Variants in PPP5C observed in about 807,000 individuals in gnomAD.
PPP5C encodes serine/threonine-protein phosphatase 5.
PPP5C carries 21 observed loss-of-function variants against 66.7 expected under a neutral mutation model. The ratio of observed to expected loss-of-function variants is 0.31; its 90% CI spans 0.22 to 0.45. PPP5C has a LOEUF of 0.45. Ranked by LOEUF, PPP5C falls within the 20% of genes least tolerant of loss-of-function variation. The probability of loss-of-function intolerance (pLI) is 1.00; values close to 1 mark genes in which losing one functional copy is unlikely to be tolerated. For missense variants in PPP5C, 464 were observed against 675.9 expected (o/e 0.69, Z 3.48); for synonymous variants, 246 against 257.4 (o/e 0.96, Z 0.43).
chr19:46,387,658 G>A (rs1438274355), intron 9 of PPP5C: 6 of 1,502,024 alleles, frequency 4.0e-6, no homozygotes, highest in Middle Eastern at 1.7e-4. Flanking sequence ...TGACCATGGT[G>A]CGGGGTGAAG....
At position 46,390,602 on chromosome 19, in the gene PPP5C, G is replaced by C; in HGVS notation, c.*256G>C. The stretch of plus-strand genomic sequence containing the variant: ...TGGGGGCACAGCCTGGGCATTCTGT[G>C]GGGAGGCCGTCCTCGGGGTGGGGTG... On this transcript the variant is annotated 3_prime_UTR_variant, in exon 13 of 13. Coordinates refer to ENST00000012443, the MANE Select transcript of PPP5C (RefSeq NM_006247.4). 1.5e-6 allele frequency: 2 copies of C among 1,373,042 alleles called. No individual in the cohort carries two copies. Among genetic ancestry groups the C allele is most frequent in the Non-Finnish European group, 1.9e-6 (2 of 1,059,340 alleles). 85.1% of individuals were successfully genotyped at this position (1,373,042 alleles called of 1,614,324 possible). A position where few individuals can be genotyped will look rare whatever the true frequency, so the allele number is the denominator to read the frequency against.
intron 2 of PPP5C, among the ~76,000 whole-genome samples, chr19:46,373,458 C>T (rs1972630929): frequency 6.6e-6 from 1 of 152,228 alleles, no homozygotes; most frequent in Non-Finnish European, 1.5e-5. Context: ...ATATTAGGCA[C>T]ATAGTAAGTG....
At chr19:46,358,212 C>T (rs998991548) in intron 2 of PPP5C, among the ~76,000 whole-genome samples, 32 of 152,188 alleles carry the variant, frequency 2.1e-4, no homozygotes, top group African/African-American at 7.2e-4. Flanking sequence ...ACACAGTTCC[C>T]TCATATCCAA....
At position 46,383,244 on chromosome 19, in the gene PPP5C, G is replaced by A. The variant is rs567467499; in HGVS notation, c.634-167G>A. The A allele has an allele frequency of 6.4e-5, 98 of 1,541,614 alleles. 1 individual carries two copies. The highest frequency in any genetic ancestry group is 1.4e-4 in the Admixed American group (7 of 50,940). On this transcript the variant is annotated intron_variant, in intron 4 of 12. Transcript: ENST00000012443. The surrounding 1 kb of genome is among the most constrained non-coding windows in gnomAD (Gnocchi z 5.0). ...GCCACAGAAGCCTGCGGCTGCCTCC[G>A]GCCCCGCCTGCTCCCGCTCCCCCAG... is the stretch of plus-strand genomic sequence containing the variant.
Position 46,347,181 on chromosome 19 carries a change from G to C in PPP5C, c.85G>C (p.Glu29Gln). ...PPADGALKRA[E>Q]ELKTQANDYF... ...GGCTGATGGAGCTCTGAAGCGGGCA[G>C]AGGAGCTCAAGACTCAGGCCAATGA... is the stretch of plus-strand genomic sequence containing the variant. The change falls in exon 1 of 13, where the codon GAG (glutamate) becomes CAG (glutamine). Residue 29 changes from glutamate (E) to glutamine (Q), a missense_variant. Coordinates refer to ENST00000012443, the MANE Select transcript of PPP5C (RefSeq NM_006247.4). 1.9e-6 allele frequency: 3 copies of C among 1,606,694 alleles called. No individual in the cohort carries two copies. Among genetic ancestry groups the C allele is most frequent in the Middle Eastern group, 3.3e-4 (2 of 6,048 alleles).
Position 46,387,162 on chromosome 19 carries a change from C to T in PPP5C, c.974C>T (p.Ala325Val), listed in dbSNP as rs190295738. 6.2e-6 allele frequency: 10 copies of T among 1,614,244 alleles called. No homozygotes were observed. The East Asian group carries it at 8.9e-5, about 14-fold the overall frequency. ...FEGEVKAKYT[A>V]QMYELFSEVF... ...GGTGAGGTGAAGGCCAAGTACACAG[C>T]CCAGATGTACGAGCTCTTTAGCGAG... The change falls in exon 8 of 13, where the codon GCC (alanine) becomes GTC (valine). Residue 325 changes from alanine (A) to valine (V), a missense_variant. Ala to Val is a moderately conservative substitution (Grantham distance 64, BLOSUM62 0). Transcript: ENST00000012443.
chr19:46,349,284 T>C (rs1411272951), intron 1 of PPP5C, among the ~76,000 whole-genome samples: 1 of 150,602 alleles, frequency 6.6e-6, no homozygotes, highest in Non-Finnish European at 1.5e-5. Context: ...ACAGACTCCG[T>C]CTCAAGAAAA....
intron 2 of PPP5C, among the ~76,000 whole-genome samples, chr19:46,355,600 C>T (rs1277599306): frequency 6.6e-6 from 1 of 152,002 alleles, no homozygotes; most frequent in African/African-American, 2.4e-5. Flanking sequence ...GCAGGGGCAG[C>T]AGAGCAGAGG....
rs530711821 is a variant in PPP5C at position 46,347,360 on chromosome 19, C to T, written c.121+143C>T. On this transcript the variant is annotated intron_variant, in intron 1 of 12. Transcript: ENST00000012443. ...CCGGGCGTGGGGAGGCCCAGGATGG[C>T]GCTGCCAAGGAGCGACATAGGGGGC... 3.8e-4 allele frequency: 496 copies of T among 1,317,072 alleles called. 6 individuals carry two copies. The South Asian group carries it at 7.4e-3, about 20-fold the overall frequency. The allele number at this position is 1,317,072 out of a possible 1,614,324, so 81.6% of individuals were successfully genotyped here. A position where few individuals can be genotyped will look rare whatever the true frequency, so the allele number is the denominator to read the frequency against.
chr19:46,354,118 G>C (rs1179076936), intron 2 of PPP5C, 129 bp downstream of exon 2: 1 of 1,360,360 alleles, frequency 7.4e-7, no homozygotes, highest in Non-Finnish European at 9.9e-7. Context: ...AGTGCCTGTG[G>C]GGCCTTGGGC....
chr19:46,378,889 C>CT (rs34623480), intron 4 of PPP5C, among the ~76,000 whole-genome samples: 78,300 of 148,386 alleles, frequency 0.53, 20,553 homozygotes, highest in South Asian at 0.74. Context: ...CAATCTTTAC[C>CT]TTTTTTTTTT....
At chr19:46,367,252 A>G (rs1972506674) in intron 2 of PPP5C, among the ~76,000 whole-genome samples, 1 of 152,230 alleles carries the variant, frequency 6.6e-6, no homozygotes, top group Non-Finnish European at 1.5e-5. Context: ...GTGCTGGTAG[A>G]TAGAGCCTTG....
Position 46,388,550 on chromosome 19 carries a change from C to T in PPP5C, c.1177-3C>T. 1 of 1,613,874 alleles carries T rather than the reference C, an allele frequency of 6.2e-7. No individual in the cohort carries two copies. Among genetic ancestry groups the T allele is most frequent in the Non-Finnish European group, 8.5e-7 (1 of 1,179,840 alleles). On this transcript the variant is annotated splice_region_variant and splice_polypyrimidine_tract_variant and intron_variant, in intron 10 of 12. Coordinates refer to ENST00000012443, the MANE Select transcript of PPP5C (RefSeq NM_006247.4). This position sits in a 1 kb window ranked among gnomAD's most constrained non-coding sequence, Gnocchi z 4.9. ...CCTGTCTCTCCCTTCTGCCCACCCT[C>T]AGAACGGGCGCTCGATCAGCAAGCG... is the stretch of plus-strand genomic sequence containing the variant.
intron 7 of PPP5C, 158 bp from the exon 8 acceptor site, chr19:46,386,935 C>T: frequency 1.0e-6 from 1 of 994,258 alleles, no homozygotes; most frequent in Non-Finnish European, 1.5e-6. Context: ...TCAAGATTCC[C>T]CCCTTGGTAC....
intron 2 of PPP5C, among the ~76,000 whole-genome samples, chr19:46,373,991 C>T (rs913303546): frequency 6.6e-6 from 1 of 152,164 alleles, no homozygotes; most frequent in African/African-American, 2.4e-5. Context: ...TGGGAGGAGC[C>T]GCATGGGCCA....
intron 2 of PPP5C, among the ~76,000 whole-genome samples, chr19:46,370,655 T>G (rs775226557): frequency 8.3e-4 from 126 of 152,330 alleles, no homozygotes; most frequent in Non-Finnish European, 8.5e-4. Context: ...TAGGACTATT[T>G]CAGTGTGTTT....
Position 46,374,679 on chromosome 19 carries a change from C to T in PPP5C, c.364-925C>T, listed in dbSNP as rs146946856. Among the ~76,000 whole-genome samples the T allele has an allele frequency of 8.3e-3, 1,271 of 152,290 alleles. 8 individuals are homozygous for T. The highest frequency in any genetic ancestry group is 0.013 in the Non-Finnish European group (903 of 68,000). ...CTATTGTGTATGATCTGGTCATCAG[C>T]GCAGCAGCCCCAGAAGGGGGACCGT... On this transcript the variant is annotated intron_variant, in intron 2 of 12. Coordinates refer to ENST00000012443, the MANE Select transcript of PPP5C (RefSeq NM_006247.4).
At chr19:46,385,778 TAAA>T (rs924225395) in intron 7 of PPP5C, among the ~76,000 whole-genome samples, 7 of 114,124 alleles carry the variant, frequency 6.1e-5, no homozygotes, top group Admixed American at 9.1e-5. Context: ...AGACTCAGTC[TAAA>T]AAAAAAAAAA....
intron 6 of PPP5C, 143 bp downstream of exon 6, chr19:46,384,021 T>C (rs1972841295): frequency 1.4e-6 from 1 of 713,062 alleles, no homozygotes; most frequent in African/African-American, 1.8e-5. Context: ...CACCAAGGTG[T>C]GGGTGGAGCT....
Sources: allele counts gnomAD v4.1 joint callset (sites outside exome capture counted in the v4.1 genomes callset), GRCh38; gene constraint gnomAD v4.1.1; non-coding constraint Gnocchi (gnomAD v3.1); transcripts MANE v1.5; gene names NCBI Gene and HGNC (gene_info 2026-07-23, HGNC 2026-07-21).